Variants in ZNF496 observed in about 807,000 individuals in gnomAD.
ZNF496 encodes the protein NSD1 (nuclear receptor binding SET-domain containing 1)-interacting zinc finger protein 1.
Under a neutral mutation model 58.9 loss-of-function variants are expected in ZNF496, and 11 were observed. The observed-to-expected ratio is 0.19, with a 90% CI of 0.12 to 0.31. The LOEUF is 0.31. Among genes scored for constraint, ZNF496 ranks in the 10% least tolerant of loss-of-function variants. The pLI, the probability that ZNF496 is intolerant of heterozygous loss-of-function variation, is 1.00. For synonymous variants in ZNF496, 338 were observed against 318.2 expected (o/e 1.06, Z -0.66); for missense variants, 660 against 783.0 (o/e 0.84, Z 1.88).
chr1:247,314,102 C>T (rs1659697774), intron 6 of ZNF496, among the ~76,000 whole-genome samples: 1 of 152,164 alleles, frequency 6.6e-6, no homozygotes, highest in African/African-American at 2.4e-5. Context: ...CTCTGTCACC[C>T]CGGCTGGAGT....
intron 5 of ZNF496, among the ~76,000 whole-genome samples, chr1:247,325,525 A>C (rs921646361): frequency 6.6e-6 from 1 of 152,146 alleles, no homozygotes; most frequent in Non-Finnish European, 1.5e-5. Flanking sequence ...AACATTTCTT[A>C]TTTACTTTCT....
chr1:247,328,147 T>C (rs558465262), intron 5 of ZNF496, among the ~76,000 whole-genome samples: 2 of 152,228 alleles, frequency 1.3e-5, no homozygotes, highest in Non-Finnish European at 2.9e-5. Flanking sequence ...GTAGCTACCA[T>C]GTACTTCATA....
chr1:247,329,824 G>A lies in ZNF496; in HGVS notation c.-38+142C>T. The A allele has an allele frequency of 2.3e-6, 1 of 436,548 alleles. No homozygotes were observed. The highest frequency in any genetic ancestry group is 4.0e-6 in the Non-Finnish European group (1 of 251,066). The allele number at this position is 436,548 out of a possible 1,614,324, so 27.0% of individuals were successfully genotyped here. On this transcript the variant is annotated intron_variant, in intron 3 of 9. Coordinates refer to ENST00000682384, the MANE Select transcript of ZNF496 (RefSeq NM_032752.3). This position sits in a 1 kb window ranked among gnomAD's most constrained non-coding sequence, Gnocchi z 5.5. The stretch of plus-strand genomic sequence containing the variant: ...TCCCCCCATCAGTACCATTACGTGT[G>A]GATTCCCGTTAAGTGGGTGACTGGA...
chr1:247,320,215 C>G (rs1048350402), intron 6 of ZNF496, among the ~76,000 whole-genome samples: 1 of 152,068 alleles, frequency 6.6e-6, no homozygotes, highest in Non-Finnish European at 1.5e-5. Flanking sequence ...ATAATGACCC[C>G]AAAACAACCC....
intron 9 of ZNF496, among the ~76,000 whole-genome samples, chr1:247,302,836 G>A (rs913886431): frequency 3.3e-5 from 5 of 152,178 alleles, no homozygotes; most frequent in Non-Finnish European, 7.3e-5. Flanking sequence ...ATGGGGTGGA[G>A]ACAAGAGCAA....
chr1:247,325,291 C>T (rs1001538740), intron 5 of ZNF496, among the ~76,000 whole-genome samples: 8 of 152,116 alleles, frequency 5.3e-5, no homozygotes, highest in African/African-American at 1.4e-4. Flanking sequence ...GCTGGATGGG[C>T]GTAGATTTGA....
chr1:247,310,364 C>T lies in ZNF496; in HGVS notation c.744G>A (p.Glu248=). 2 of 1,614,202 alleles carry T rather than the reference C, an allele frequency of 1.2e-6. No individual in the cohort carries two copies. Among genetic ancestry groups the T allele is most frequent in the South Asian group, 1.1e-5 (1 of 91,084 alleles). ...LDPAQTGFYG[E]FIIGEDYGVS... is the part of the protein sequence containing the mutation. ...CCCCGTAATCCTCCCCAATGATGAA[C>T]TCTCCATAGAAGCCAGTCTGGGCAG... Residue 248 remains glutamate (E), a synonymous_variant, in exon 7 of 10, where the codon GAG becomes GAA. Coordinates refer to ENST00000682384, the MANE Select transcript of ZNF496 (RefSeq NM_032752.3).
In ZNF496 at chr1:247,300,645, C is replaced by T. The variant is rs148958456; in HGVS notation, c.1638G>A (p.Leu546=). Reference sequence around the variant, plus strand: ...ACTGGAAGGGCCGGGCTTTGTCCTTCAGGTGAAAGTGGCTGCGGTGCCGAG... The same window carrying T: ...ACTGGAAGGGCCGGGCTTTGTCCTTTAGGTGAAAGTGGCTGCGGTGCCGAG... ...HLARHRSHFH[L]KDKARPFQCR... is the part of the protein sequence containing the mutation. The change falls in exon 10 of 10, where the codon CTG becomes CTA. Residue 546 remains leucine (L), a synonymous_variant. Transcript: ENST00000682384. This position sits in a 1 kb window ranked among gnomAD's most constrained non-coding sequence, Gnocchi z 5.7. The T allele has an allele frequency of 6.6e-5, 106 of 1,614,174 alleles. 1 individual carries two copies. In the African/African-American group the frequency reaches 1.3e-3, roughly 20 times the overall value.
intron 6 of ZNF496, chr1:247,313,448 A>G (rs1228991888): frequency 6.6e-6 from 1 of 152,228 alleles, no homozygotes; most frequent in Non-Finnish European, 1.5e-5. Flanking sequence ...TTGTTTGGCA[A>G]AATCCACATG....
At position 247,316,135 on chromosome 1, in the gene ZNF496, G is replaced by GGTGTGTGTGTGTGTGT. The variant is rs148003455; in HGVS notation, c.652-5695_652-5680dup. On this transcript the variant is annotated intron_variant, in intron 6 of 9. Transcript: ENST00000682384. ...CTCTGACACGACTTCCTGGGAGAGG[G>GGTGTGTGTGTGTGTGT]GTGTGTGTGTGTGTGTGTGTGTGTG... 5.2e-4 allele frequency among the ~76,000 whole-genome samples: 73 copies of GGTGTGTGTGTGTGTGT among 139,926 alleles called. 1 individual carries two copies. The highest frequency in any genetic ancestry group is 3.5e-3 in the Middle Eastern group (1 of 288). The allele number at this position is 139,926 out of a possible 152,430, so 91.8% of individuals were successfully genotyped here. A position where few individuals can be genotyped will look rare whatever the true frequency, so the allele number is the denominator to read the frequency against.
chr1:247,316,430 G>A (rs1264305224), intron 6 of ZNF496, among the ~76,000 whole-genome samples: 2 of 152,058 alleles, frequency 1.3e-5, no homozygotes, highest in Non-Finnish European at 2.9e-5. Context: ...CCTTTACGAG[G>A]TGATGAATAG....
chr1:247,327,744 C>G (rs1453645544), intron 5 of ZNF496, among the ~76,000 whole-genome samples: 1 of 138,326 alleles, frequency 7.2e-6, no homozygotes, highest in Non-Finnish European at 1.6e-5. Context: ...CCCTGGCCCC[C>G]CAGACACTCT....
intron 9 of ZNF496, among the ~76,000 whole-genome samples, chr1:247,303,019 C>T (rs560219966): frequency 5.7e-4 from 86 of 152,164 alleles, no homozygotes; most frequent in African/African-American, 1.6e-3. Flanking sequence ...ATGTTATGGG[C>T]GAAATTGTGT....
chr1:247,320,406 A>G (rs1039818739), intron 6 of ZNF496, among the ~76,000 whole-genome samples: 1 of 152,256 alleles, frequency 6.6e-6, no homozygotes, highest in Non-Finnish European at 1.5e-5. Flanking sequence ...ATCCATTTAT[A>G]TAACATTCTT....
chr1:247,307,675 A>G, intron 9 of ZNF496: 1 of 985,466 alleles, frequency 1.0e-6, no homozygotes, highest in Non-Finnish European at 1.2e-6. Flanking sequence ...TACAAGATGC[A>G]TGGAGCTGGG....
chr1:247,326,780 A>G (rs1490289629), intron 5 of ZNF496, among the ~76,000 whole-genome samples: 1 of 152,196 alleles, frequency 6.6e-6, no homozygotes, highest in Non-Finnish European at 1.5e-5. Context: ...GTGGGCCCTA[A>G]TCCAATAGGA....
intron 9 of ZNF496, among the ~76,000 whole-genome samples, chr1:247,305,501 C>A (rs1340593695): frequency 6.6e-6 from 1 of 152,200 alleles, no homozygotes; most frequent in Non-Finnish European, 1.5e-5. Context: ...GCTGCAAGTG[C>A]TTGTTGCAGG....
At chr1:247,330,123 A>T (rs1191586264) in intron 2 of ZNF496, 42 bp from the exon 3 acceptor site, 2 of 152,322 alleles carry the variant, frequency 1.3e-5, no homozygotes, top group Non-Finnish European at 2.9e-5. Context: ...CTTCAAGCAC[A>T]TCCAGGAATG....
intron 6 of ZNF496, among the ~76,000 whole-genome samples, chr1:247,320,503 T>G (rs1659929361): frequency 6.6e-6 from 1 of 152,224 alleles, no homozygotes; most frequent in Non-Finnish European, 1.5e-5. Context: ...GAAATGAGTG[T>G]GGACATTAGG....
Sources: allele counts gnomAD v4.1 joint callset (sites outside exome capture counted in the v4.1 genomes callset), GRCh38; gene constraint gnomAD v4.1.1; non-coding constraint Gnocchi (gnomAD v3.1); transcripts MANE v1.5; gene names NCBI Gene and HGNC (gene_info 2026-07-23, HGNC 2026-07-21).